The following CCDC12 variants were observed in gnomAD, a reference collection of about 807,000 sequenced individuals.
CCDC12 encodes coiled-coil domain containing 12, also known as coiled-coil domain-containing protein 12.
In CCDC12, 28 loss-of-function variants were observed where a neutral mutation model predicts 25.7. The ratio of observed to expected loss-of-function variants is 1.09; its 90% CI spans 0.81 to 1.50. The LOEUF (loss-of-function observed/expected upper bound fraction) is 1.50, where lower values mean the gene tolerates loss of function less well. Among genes scored for constraint, CCDC12 ranks in the 40% most tolerant of loss-of-function variants. The pLI, the probability that CCDC12 is intolerant of heterozygous loss-of-function variation, is 0.00. For missense variants in CCDC12, 198 were observed against 210.0 expected, an observed-to-expected ratio of 0.94 and a Z score of 0.35; for synonymous variants, 75 against 87.7, an observed-to-expected ratio of 0.86 and a Z score of 0.81.
intron 2 of CCDC12, among the ~76,000 whole-genome samples, chr3:46,930,892 G>A (rs764892924): frequency 1.3e-5 from 2 of 152,134 alleles, no homozygotes; most frequent in African/African-American, 2.4e-5. Context: ...CTCCATGCAC[G>A]TGGCCCTGTG....
chr3:46,946,028 A>T (rs1347383995), intron 1 of CCDC12, among the ~76,000 whole-genome samples: 1 of 152,220 alleles, frequency 6.6e-6, no homozygotes, highest in Non-Finnish European at 1.5e-5. Context: ...TGGCACATGA[A>T]GCGTGGGGGC....
At position 46,963,698 on chromosome 3, in the gene CCDC12, T is replaced by A. The variant is rs564458957; in HGVS notation, c.96+12939A>T. 5.7e-3 allele frequency among the ~76,000 whole-genome samples: 865 copies of A among 152,376 alleles called. 9 individuals are homozygous for A. Among genetic ancestry groups the A allele is most frequent in the African/African-American group, 0.02 (826 of 41,598 alleles). On this transcript the variant is annotated intron_variant, in intron 1 of 6. Coordinates refer to ENST00000683445, the MANE Select transcript of CCDC12 (RefSeq NM_001277074.2). ...GTCTCCAGCTCCTAACCGCGAGTGA[T>A]CCGCCAGCCTCGGCCTCCCGAGGTG... is the stretch of plus-strand genomic sequence containing the variant.
At chr3:46,945,010 G>A (rs1488468158) in intron 1 of CCDC12, among the ~76,000 whole-genome samples, 1 of 152,146 alleles carries the variant, frequency 6.6e-6, no homozygotes, top group Non-Finnish European at 1.5e-5. Flanking sequence ...TAAAGGCCAG[G>A]CCAAAGGCCA....
chr3:46,946,690 A>C (rs1575550461), intron 1 of CCDC12, among the ~76,000 whole-genome samples: 1 of 152,150 alleles, frequency 6.6e-6, no homozygotes, highest in African/African-American at 2.4e-5. Flanking sequence ...AACGGGGAAG[A>C]CCAGAAGTCA....
At chr3:46,951,874 G>T (rs1460607137) in intron 1 of CCDC12, among the ~76,000 whole-genome samples, 2 of 136,624 alleles carry the variant, frequency 1.5e-5, no homozygotes, top group Non-Finnish European at 3.1e-5. Flanking sequence ...GATTCCTTTA[G>T]GATTGTCAAG....
chr3:46,979,843 G>A (rs924091840), upstream of CCDC12: 5 of 441,942 alleles, frequency 1.1e-5, no homozygotes, highest in African/African-American at 4.1e-5. Context: ...GCGCAGCAGG[G>A]CCGGAGCCGG....
At position 46,941,056 on chromosome 3, in the gene CCDC12, C is replaced by T. The variant is rs1186278564; in HGVS notation, c.106G>A (p.Asp36Asn). 1.9e-6 allele frequency: 3 copies of T among 1,614,190 alleles called. No individual in the cohort carries two copies. The highest frequency in any genetic ancestry group is 2.2e-5 in the South Asian group (2 of 91,090). The change falls in exon 2 of 7, where the codon GAT (aspartate) becomes AAT (asparagine). Residue 36 changes from aspartate to asparagine, a missense_variant. Asp to Asn is a conservative substitution (Grantham distance 23, BLOSUM62 1). Transcript: ENST00000683445. Reference sequence around the variant, plus strand: ...AGATGCTTGGTCTTTGGCTCCCCATCTTCCTTGTCCTGCAAAGAAAGGGAG... The same window carrying T: ...AGATGCTTGGTCTTTGGCTCCCCATTTTCCTTGTCCTGCAAAGAAAGGGAG... ...REKTGRKDKE[D>N]GEPKTKHLRE...
intron 1 of CCDC12, among the ~76,000 whole-genome samples, chr3:46,959,116 T>C (rs11130110): frequency 0.49 from 74,833 of 151,984 alleles, 19,867 homozygotes; most frequent in Non-Finnish European, 0.58. Flanking sequence ...TTAAACCAAA[T>C]TTAAACAAGT....
At chr3:46,962,610 A>G (rs1451169425) in intron 1 of CCDC12, among the ~76,000 whole-genome samples, 1 of 152,170 alleles carries the variant, frequency 6.6e-6, no homozygotes. Context: ...AGACATGAAC[A>G]GGCACTTCAC....
At chr3:46,977,257 G>A (rs1397109780), upstream of CCDC12, among the ~76,000 whole-genome samples, 10 of 152,264 alleles carry the variant, frequency 6.6e-5, no homozygotes, top group Admixed American at 6.5e-4. Context: ...GGCGGACCAC[G>A]AGGTCAGGAG....
intron 2 of CCDC12, among the ~76,000 whole-genome samples, chr3:46,928,866 T>A (rs1003572245): frequency 6.6e-6 from 1 of 152,094 alleles, no homozygotes; most frequent in Non-Finnish European, 1.5e-5. Context: ...ATGGCTTGTG[T>A]CTGTAATCCC....
intron 1 of CCDC12, among the ~76,000 whole-genome samples, chr3:46,975,120 G>A (rs2034924385): frequency 6.6e-6 from 1 of 152,000 alleles, no homozygotes; most frequent in Non-Finnish European, 1.5e-5. Flanking sequence ...AAATGCTTCC[G>A]AATATGGCAA....
At chr3:46,968,390 G>C (rs1283565123) in intron 1 of CCDC12, among the ~76,000 whole-genome samples, 1 of 152,172 alleles carries the variant, frequency 6.6e-6, no homozygotes, top group African/African-American at 2.4e-5. Flanking sequence ...CAGCGGAGAA[G>C]GCTGCAGGAC....
chr3:46,925,256 A>T, intron 3 of CCDC12, 200 bp downstream of exon 3: 1 of 702,010 alleles, frequency 1.4e-6, no homozygotes, highest in South Asian at 1.5e-5. Flanking sequence ...GCACAAGAGG[A>T]CTCTTCAGTG....
At chr3:46,950,400 T>C (rs956970476) in intron 1 of CCDC12, among the ~76,000 whole-genome samples, 2 of 152,036 alleles carry the variant, frequency 1.3e-5, no homozygotes, top group Admixed American at 1.3e-4. Context: ...CAGCCTGAAA[T>C]TCCTAGGCTC....
chr3:46,948,445 T>C (rs950900935), intron 1 of CCDC12, among the ~76,000 whole-genome samples: 3 of 152,170 alleles, frequency 2.0e-5, no homozygotes, highest in Non-Finnish European at 4.4e-5. Context: ...GCCTCAACGC[T>C]GTGGGGAGAC....
chr3:46,924,709 G>A (rs927389973), intron 3 of CCDC12, among the ~76,000 whole-genome samples: 6 of 152,044 alleles, frequency 3.9e-5, no homozygotes, highest in African/African-American at 9.7e-5. Flanking sequence ...TTAGCCAGGC[G>A]CAGTGGCACA....
At chr3:46,951,798 A>AAAAAAAAAATAT in intron 1 of CCDC12, among the ~76,000 whole-genome samples, 3 of 8,464 alleles carry the variant, frequency 3.5e-4, no homozygotes, top group African/African-American at 4.9e-4. Context: ...AAAAAAAAAA[A>AAAAAAAAAATAT]ATATATATAT....
chr3:46,977,726 T>TC (rs1421772896), upstream of CCDC12, among the ~76,000 whole-genome samples: 1 of 152,038 alleles, frequency 6.6e-6, no homozygotes, highest in African/African-American at 2.4e-5. Context: ...AGCAGCAAAG[T>TC]CCTCAGGGTC....
Sources: allele counts gnomAD v4.1 joint callset (sites outside exome capture counted in the v4.1 genomes callset), GRCh38; gene constraint gnomAD v4.1.1; transcripts MANE v1.5; gene names NCBI Gene and HGNC (gene_info 2026-07-23, HGNC 2026-07-21).